Variants in THSD4 observed in about 807,000 individuals in gnomAD.
The protein encoded by THSD4 is thrombospondin type-1 domain-containing protein 4.
A neutral mutation model predicts 119.0 loss-of-function variants in THSD4; 69 were observed. That is an observed-to-expected ratio of 0.58 (90% CI 0.48 to 0.71). THSD4 has a LOEUF of 0.71. Ranked by LOEUF, THSD4 falls within the 30% of genes least tolerant of loss-of-function variation. The pLI, the probability that THSD4 is intolerant of heterozygous loss-of-function variation, is 0.00. For missense variants in THSD4, 1,393 were observed against 1,391.1 expected (o/e 1.00, Z -0.02); for synonymous variants, 524 against 540.4 (o/e 0.97, Z 0.42).
chr15:71,565,007 G>A (rs1201739317), intron 7 of THSD4, among the ~76,000 whole-genome samples: 3 of 152,072 alleles, frequency 2.0e-5, no homozygotes, highest in Non-Finnish European at 2.9e-5. Context: ...GGCCAAATGA[G>A]TTTGAACACC....
intron 3 of THSD4, among the ~76,000 whole-genome samples, chr15:71,190,822 G>A (rs796848012): frequency 3.9e-5 from 6 of 152,152 alleles, no homozygotes; most frequent in African/African-American, 1.4e-4. Context: ...TGTGAATTTT[G>A]GAATGCAGAA....
intron 7 of THSD4, among the ~76,000 whole-genome samples, chr15:71,450,900 G>C: frequency 6.6e-6 from 1 of 152,142 alleles, no homozygotes; most frequent in East Asian, 1.9e-4. Context: ...GCTAGGAGCC[G>C]GGCGTGGCGG....
chr15:71,489,768 G>C (rs2047884757), intron 7 of THSD4, among the ~76,000 whole-genome samples: 1 of 152,188 alleles, frequency 6.6e-6, no homozygotes, highest in Non-Finnish European at 1.5e-5. Flanking sequence ...AAAGACGGGA[G>C]AATGCTGACT....
At chr15:71,616,178 A>G (rs1040895906) in intron 7 of THSD4, among the ~76,000 whole-genome samples, 1 of 152,222 alleles carries the variant, frequency 6.6e-6, no homozygotes, top group Non-Finnish European at 1.5e-5. Context: ...AATCTGTTGA[A>G]CAGACAGACT....
At chr15:71,643,771 G>A (rs1002834518) in intron 7 of THSD4, among the ~76,000 whole-genome samples, 1 of 152,186 alleles carries the variant, frequency 6.6e-6, no homozygotes, top group Non-Finnish European at 1.5e-5. Flanking sequence ...TGATTTGGAT[G>A]CCTTAGCGTT....
In THSD4 at chr15:71,675,112, G is replaced by A. The variant is rs559605009; in HGVS notation, c.1357+14378G>A. On this transcript the variant is annotated intron_variant, in intron 8 of 17. Transcript: ENST00000261862. ...TGGTTTACTTTCCAGATTTCACTCA[G>A]TTCTTGGTAGTGGGCCCCTAGATTG... Among the ~76,000 whole-genome samples, 138 of 152,154 alleles carry A rather than the reference G, an allele frequency of 9.1e-4. No individual in the cohort carries two copies. In the South Asian group the frequency reaches 0.011, roughly 12 times the overall value.
At chr15:71,101,276 G>T (rs765121290) in intron 1 of THSD4, among the ~76,000 whole-genome samples, 6 of 151,980 alleles carry the variant, frequency 3.9e-5, no homozygotes, top group Admixed American at 3.9e-4. Context: ...TTCAAGAGGA[G>T]TACTCAATTC....
At chr15:71,237,887 C>T (rs2044118391) in intron 4 of THSD4, among the ~76,000 whole-genome samples, 1 of 152,196 alleles carries the variant, frequency 6.6e-6, no homozygotes, top group South Asian at 2.1e-4. Context: ...CCCTGGATGG[C>T]AGCCAGCCTG....
chr15:71,773,200 CAAAAAAAAAAA>C (rs5813665), intron 17 of THSD4, among the ~76,000 whole-genome samples: 2 of 54,064 alleles, frequency 3.7e-5, no homozygotes, highest in Non-Finnish European at 7.6e-5. Context: ...GACCATGTCT[CAAAAAAAAAAA>C]AAAAGAAAAA....
rs79930786 is a variant in THSD4, at chr15:71,460,366, A to G, written c.1152+48543A>G. On this transcript the variant is annotated intron_variant, in intron 7 of 17. Transcript: ENST00000261862. ...TGGTCCCAGATAACCCCAGGAGTAG[A>G]TTGAATGGTATATTAAAAGGCACTT... Among the ~76,000 whole-genome samples, 309 of 142,976 alleles carry G rather than the reference A, an allele frequency of 2.2e-3. 13 individuals carry two copies. In the East Asian group the frequency reaches 0.058, roughly 27 times the overall value. The allele number at this position is 142,976 out of a possible 152,430, so 93.8% of individuals were successfully genotyped here.
intron 8 of THSD4, among the ~76,000 whole-genome samples, chr15:71,690,323 C>T (rs1039893205): frequency 6.6e-6 from 1 of 152,176 alleles, no homozygotes; most frequent in Non-Finnish European, 1.5e-5. Flanking sequence ...AATCTGGGGT[C>T]CTTGTGGCAT....
At position 71,725,272 on chromosome 15, in the gene THSD4, G is replaced by A. The variant is rs571705150; in HGVS notation, c.1358-3277G>A. Among the ~76,000 whole-genome samples, 8 of 149,572 alleles carry A rather than the reference G, an allele frequency of 5.3e-5. No homozygotes were observed. In the South Asian group the frequency reaches 6.6e-4, roughly 12 times the overall value. ...TACTGAGATAAGAAACACTGAGGCC[G>A]GGGTTGGGTTCAGCCTTAGACAAGA... On this transcript the variant is annotated intron_variant, in intron 8 of 17. Coordinates refer to ENST00000261862, the MANE Select transcript of THSD4 (RefSeq NM_024817.3).
At chr15:71,306,352 T>C (rs1019199767) in intron 6 of THSD4, among the ~76,000 whole-genome samples, 1 of 150,260 alleles carries the variant, frequency 6.7e-6, no homozygotes, top group Non-Finnish European at 1.5e-5. Flanking sequence ...AATGGTATTA[T>C]ATATTTTTTG....
chr15:71,762,863 G>C (rs1253553042), intron 15 of THSD4, among the ~76,000 whole-genome samples: 1 of 152,134 alleles, frequency 6.6e-6, no homozygotes, highest in African/African-American at 2.4e-5. Context: ...GAGGTGTCAG[G>C]AGTTTGAGAC....
intron 8 of THSD4, among the ~76,000 whole-genome samples, chr15:71,682,920 C>A (rs974384445): frequency 1.9e-5 from 1 of 53,528 alleles, no homozygotes; most frequent in Non-Finnish European, 3.8e-5. Flanking sequence ...TCTTCTTCTT[C>A]TTTTTTTTTT....
rs562417263 is a variant in THSD4, at chr15:71,619,973, A to G, written c.1153-40557A>G. 2.6e-5 allele frequency among the ~76,000 whole-genome samples: 4 copies of G among 152,354 alleles called. No homozygotes were observed. The East Asian group carries it at 7.7e-4, about 29-fold the overall frequency. ...CCAGCCTAGAAGACTAGAGTTACAT[A>G]TAGCTCTTTAGAAATTCAGGTGTAG... On this transcript the variant is annotated intron_variant, in intron 7 of 17. Transcript: ENST00000261862.
At chr15:71,579,741 G>C (rs2049522519) in intron 7 of THSD4, among the ~76,000 whole-genome samples, 1 of 152,134 alleles carries the variant, frequency 6.6e-6, no homozygotes, top group Non-Finnish European at 1.5e-5. Context: ...AGACACCATG[G>C]TTTGGAAGGT....
chr15:71,158,817 G>A (rs1399234788), intron 3 of THSD4, among the ~76,000 whole-genome samples: 1 of 152,144 alleles, frequency 6.6e-6, no homozygotes, highest in Non-Finnish European at 1.5e-5. Context: ...TTGCTGTGCA[G>A]AAGCAAAGTT....
chr15:71,623,227 ATAAC>A (rs962924793), intron 7 of THSD4, among the ~76,000 whole-genome samples: 22 of 152,238 alleles, frequency 1.4e-4, no homozygotes, highest in African/African-American at 3.9e-4. Flanking sequence ...GATTAAGACA[ATAAC>A]TAAGGTTACC....
Sources: gnomAD v4.1 joint callset for allele counts (sites outside exome capture counted in the v4.1 genomes callset) on GRCh38, gnomAD v4.1.1 for gene constraint, MANE v1.5 for transcripts, NCBI Gene and HGNC (gene_info 2026-07-23, HGNC 2026-07-21) for gene names.